The following LRRK1 variants were observed in gnomAD, a reference collection of about 807,000 sequenced individuals.
The protein encoded by LRRK1 is leucine rich repeat kinase 1.
A neutral mutation model predicts 209.1 loss-of-function variants in LRRK1; 113 were observed. That is an observed-to-expected ratio of 0.54 (90% CI 0.46 to 0.63). The LOEUF is 0.63. Among genes scored for constraint, LRRK1 ranks in the 30% least tolerant of loss-of-function variants. LRRK1 has a pLI of 0.00. For missense variants in LRRK1, 2,284 were observed against 2,632.2 expected, an observed-to-expected ratio of 0.87 and a Z score of 2.89; for synonymous variants, 1,144 against 1,099.7, an observed-to-expected ratio of 1.04 and a Z score of -0.80.
intron 4 of LRRK1, among the ~76,000 whole-genome samples, chr15:100,986,822 C>G (rs567666390): frequency 6.6e-6 from 1 of 152,204 alleles, no homozygotes; most frequent in Non-Finnish European, 1.5e-5. Context: ...CAGCTGTTCT[C>G]CCCCAGGGCT....
In LRRK1 at chr15:101,068,895, T is replaced by A; in HGVS notation, c.*47T>A. The A allele has an allele frequency of 1.2e-5, 18 of 1,526,734 alleles. No individual in the cohort carries two copies. The highest frequency in any genetic ancestry group is 1.5e-5 in the Non-Finnish European group (17 of 1,131,446). The allele number at this position is 1,526,734 out of a possible 1,614,324, so 94.6% of individuals were successfully genotyped here. A position where few individuals can be genotyped will look rare whatever the true frequency, so the allele number is the denominator to read the frequency against. ...ACATCAGAGCTGGCTGGCCCGGGGC[T>A]GCAGCCTGACCCCTCTGCCATCGGC... On this transcript the variant is annotated 3_prime_UTR_variant, in exon 34 of 34. Transcript: ENST00000388948.
Position 101,009,005 on chromosome 15 carries a change from G to T in LRRK1, c.931G>T (p.Asp311Tyr). Residue 311 changes from aspartate (D) to tyrosine (Y), a missense_variant, in exon 7 of 34, where the codon GAC (aspartate) becomes TAC (tyrosine). Coordinates refer to ENST00000388948, the MANE Select transcript of LRRK1 (RefSeq NM_024652.6). ...CAATCTCCGGAAGCTGAACCTCTCC[G>T]ACAACCACCTGGGGGAGCTGCCTGG... The part of the protein sequence containing the change: ...LINLRKLNLS[D>Y]NHLGELPGVQ... 6.2e-7 allele frequency: 1 copy of T among 1,614,160 alleles called. No homozygotes were observed. The highest frequency in any genetic ancestry group is 8.5e-7 in the Non-Finnish European group (1 of 1,180,026).
Position 101,076,944 on chromosome 15 carries a change from T to A in LRRK1, c.*8096T>A, listed in dbSNP as rs998554594. On this transcript the variant is annotated 3_prime_UTR_variant, in exon 34 of 34. Coordinates refer to ENST00000388948, the MANE Select transcript of LRRK1 (RefSeq NM_024652.6). ...GCCTTCCCACCTCTATACTGTCTGA[T>A]AACAGACCAGCCTTTATTAGTCAAA... 1 of 152,266 alleles carries A rather than the reference T, an allele frequency of 6.6e-6. No individual in the cohort carries two copies. Among genetic ancestry groups the A allele is most frequent in the African/African-American group, 2.4e-5 (1 of 41,468 alleles). 9.4% of individuals were successfully genotyped at this position (152,266 alleles called of 1,614,324 possible). A position where few individuals can be genotyped will look rare whatever the true frequency, so the allele number is the denominator to read the frequency against.
At chr15:100,986,035 CA>C (rs36053618) in intron 4 of LRRK1, among the ~76,000 whole-genome samples, 29,143 of 128,242 alleles carry the variant, frequency 0.23, 3,103 homozygotes, top group African/African-American at 0.34. Flanking sequence ...CCTGTATCTA[CA>C]AAAAAAAAAA....
intron 3 of LRRK1, among the ~76,000 whole-genome samples, chr15:100,976,018 G>C (rs1191730155): frequency 6.6e-6 from 1 of 151,966 alleles, no homozygotes; most frequent in African/African-American, 2.4e-5. Context: ...GTTTATACAA[G>C]CATTAAAAAC....
At chr15:101,053,550 G>T in intron 26 of LRRK1, 130 bp downstream of exon 26, 2 of 784,510 alleles carry the variant, frequency 2.5e-6, no homozygotes, top group South Asian at 1.8e-5. Flanking sequence ...TGGCTCGTGT[G>T]ACCATCCCCT....
At chr15:101,056,301 A>T (rs2035790416) in intron 27 of LRRK1, among the ~76,000 whole-genome samples, 1 of 152,212 alleles carries the variant, frequency 6.6e-6, no homozygotes, top group Admixed American at 6.5e-5. Flanking sequence ...AAGCACATTA[A>T]GCTGAGGGTG....
intron 3 of LRRK1, among the ~76,000 whole-genome samples, chr15:100,983,008 A>T (rs2031687087): frequency 2.0e-5 from 3 of 152,190 alleles, no homozygotes; most frequent in Admixed American, 2.0e-4. Flanking sequence ...TCTGGTCTCT[A>T]CAAAAAAAAT....
intron 2 of LRRK1, among the ~76,000 whole-genome samples, chr15:100,955,528 G>A (rs2042735061): frequency 6.6e-6 from 1 of 152,060 alleles, no homozygotes; most frequent in Non-Finnish European, 1.5e-5. Context: ...AGGACTTCTA[G>A]TAGAAGTGGC....
chr15:101,054,167 C>T (rs11854891), intron 26 of LRRK1, among the ~76,000 whole-genome samples: 19,453 of 152,078 alleles, frequency 0.13, 1,386 homozygotes, highest in Non-Finnish European at 0.16. Flanking sequence ...TAGAGATGGC[C>T]TTTCACCCTG....
chr15:101,014,204 G>T (rs2033421381), intron 10 of LRRK1, 112 bp from the exon 11 acceptor site: 3 of 735,990 alleles, frequency 4.1e-6, no homozygotes, highest in Non-Finnish European at 6.9e-6. Flanking sequence ...AAGGAAAATT[G>T]GTTGGAATCG....
chr15:100,963,719 G>T (rs915157429), intron 2 of LRRK1, among the ~76,000 whole-genome samples: 1 of 152,144 alleles, frequency 6.6e-6, no homozygotes, highest in South Asian at 2.1e-4. Context: ...CCGACTTCCC[G>T]CTTTTGTTAT....
rs537821019 is a variant in LRRK1 at position 101,076,592 on chromosome 15, G to C, written c.*7744G>C. The stretch of plus-strand genomic sequence containing the variant: ...GGCAGGCTGTGCTATAGTACAAGCC[G>C]CTAGCCCGCCTCTTAGAACCTCTCA... On this transcript the variant is annotated 3_prime_UTR_variant, in exon 34 of 34. Coordinates refer to ENST00000388948, the MANE Select transcript of LRRK1 (RefSeq NM_024652.6). 6.6e-6 allele frequency: 1 copy of C among 152,382 alleles called. No individual in the cohort carries two copies. The highest frequency in any genetic ancestry group is 1.5e-5 in the Non-Finnish European group (1 of 68,262). The allele number at this position is 152,382 out of a possible 1,614,324, so 9.4% of individuals were successfully genotyped here. A position where few individuals can be genotyped will look rare whatever the true frequency, so the allele number is the denominator to read the frequency against.
At position 101,027,355 on chromosome 15, in the gene LRRK1, G is replaced by A. The variant is rs768937081; in HGVS notation, c.2500G>A (p.Gly834Ser). 1.8e-5 allele frequency: 29 copies of A among 1,613,726 alleles called. No homozygotes were observed. The highest frequency in any genetic ancestry group is 8.9e-5 in the East Asian group (4 of 44,892). Residue 834 changes from glycine to serine, a missense_variant, in exon 18 of 34, where the codon GGC becomes AGC. Gly to Ser is a moderately conservative substitution (Grantham distance 56, BLOSUM62 0). This residue lies in a region of LRRK1 where 780 missense variants were observed against 985.2 expected (regional missense o/e 0.79). Transcript: ENST00000388948. The surrounding 1 kb of genome is among the most constrained non-coding windows in gnomAD (Gnocchi z 5.1). ...CSMKDVGSTI[G>S]CQRLAGRLIP... The stretch of plus-strand genomic sequence containing the variant: ...CATGAAGGACGTGGGCAGCACCATC[G>A]GCTGCCAGCGACTGGCAGGGCGGCT...
intron 30 of LRRK1, chr15:101,062,266 G>A (rs1301041128): frequency 3.6e-6 from 1 of 280,734 alleles, no homozygotes; most frequent in Non-Finnish European, 6.8e-6. Flanking sequence ...CACTTTGCCA[G>A]TACCAGGTGC....
At chr15:100,975,511 A>G (rs1277232306) in intron 3 of LRRK1, among the ~76,000 whole-genome samples, 1 of 152,236 alleles carries the variant, frequency 6.6e-6, no homozygotes, top group Non-Finnish European at 1.5e-5. Context: ...GACAGTGGCA[A>G]CTCAAAATCG....
chr15:100,967,778 C>T (rs1280667628), intron 2 of LRRK1, among the ~76,000 whole-genome samples: 2 of 152,204 alleles, frequency 1.3e-5, no homozygotes, highest in Non-Finnish European at 2.9e-5. Context: ...GCCTTTCTAT[C>T]CAACCATCCA....
At chr15:100,938,565 C>T (rs182090096) in intron 2 of LRRK1, among the ~76,000 whole-genome samples, 1 of 152,126 alleles carries the variant, frequency 6.6e-6, no homozygotes, top group African/African-American at 2.4e-5. Flanking sequence ...TTCTGCCATC[C>T]TCCCTCCTTC....
At chr15:100,936,697 G>C (rs560729149) in intron 2 of LRRK1, among the ~76,000 whole-genome samples, 6 of 152,198 alleles carry the variant, frequency 3.9e-5, no homozygotes, top group Non-Finnish European at 8.8e-5. Flanking sequence ...GCAACTTGGG[G>C]TCTGTGGGAT....
Sources: allele counts gnomAD v4.1 joint callset (sites outside exome capture counted in the v4.1 genomes callset), GRCh38; gene constraint gnomAD v4.1.1; regional missense constraint gnomAD v4.1.1; non-coding constraint Gnocchi (gnomAD v3.1); transcripts MANE v1.5; gene names NCBI Gene and HGNC (gene_info 2026-07-23, HGNC 2026-07-21).